Variants in CPED1 observed in about 807,000 individuals in gnomAD.
The protein encoded by CPED1 is cadherin-like and PC-esterase domain-containing protein 1.
A neutral mutation model predicts 128.2 loss-of-function variants in CPED1; 114 were observed. That is an observed-to-expected ratio of 0.89 (90% CI 0.76 to 1.04). The LOEUF (loss-of-function observed/expected upper bound fraction) is 1.04. Ranked by LOEUF, CPED1 falls within the 50% of genes least tolerant of loss-of-function variation. The probability of loss-of-function intolerance (pLI) is 0.00; values close to 1 mark genes in which losing one functional copy is unlikely to be tolerated. For synonymous variants in CPED1, 462 were observed against 426.7 expected (o/e 1.08, Z -1.02); for missense variants, 1,211 against 1,207.1 (o/e 1.00, Z -0.05).
At chr7:121,244,518 C>T (rs139350642) in intron 18 of CPED1, among the ~76,000 whole-genome samples, 180 bp downstream of exon 18, 5 of 152,276 alleles carry the variant, frequency 3.3e-5, no homozygotes, top group African/African-American at 4.8e-5. Flanking sequence ...GAACAATTCC[C>T]GCTCCAAATG....
chr7:121,055,303 G>A (rs929694961), intron 4 of CPED1, among the ~76,000 whole-genome samples: 5 of 151,956 alleles, frequency 3.3e-5, no homozygotes, highest in African/African-American at 4.8e-5. Flanking sequence ...TTAAGAAGCT[G>A]CCCAACGTTT....
chr7:121,263,764 T>A (rs1352186851), intron 18 of CPED1, among the ~76,000 whole-genome samples: 2 of 152,042 alleles, frequency 1.3e-5, no homozygotes, highest in African/African-American at 4.8e-5. Context: ...AATACAGATA[T>A]CTAGGGAGCT....
At chr7:121,199,026 A>T (rs1159860624) in intron 16 of CPED1, among the ~76,000 whole-genome samples, 6 of 152,174 alleles carry the variant, frequency 3.9e-5, no homozygotes, top group African/African-American at 1.4e-4. Flanking sequence ...ATAACTCTAC[A>T]GTCTATGAGT....
At chr7:121,016,924 A>G (rs1470594957) in intron 3 of CPED1, among the ~76,000 whole-genome samples, 1 of 152,222 alleles carries the variant, frequency 6.6e-6, no homozygotes, top group Non-Finnish European at 1.5e-5. Flanking sequence ...AGTAGCTTTC[A>G]GAATGATCTT....
chr7:121,085,302 C>T (rs1794394234), intron 5 of CPED1, among the ~76,000 whole-genome samples: 2 of 152,224 alleles, frequency 1.3e-5, no homozygotes, highest in African/African-American at 2.4e-5. Flanking sequence ...TGCTGGTGTA[C>T]ATCCCACTGT....
At position 121,103,537 on chromosome 7, in the gene CPED1, T is replaced by A. The variant is rs185828395; in HGVS notation, c.918+3443T>A. ...TCAGAAATACTGCTTTCTACTGGTATTTTTAGATGTGAAAAAATACACAGA... is the reference window on the plus strand; with the variant it reads ...TCAGAAATACTGCTTTCTACTGGTAATTTTAGATGTGAAAAAATACACAGA... On this transcript the variant is annotated intron_variant, in intron 7 of 22. Transcript: ENST00000310396. Among the ~76,000 whole-genome samples the A allele has an allele frequency of 3.9e-5, 6 of 152,330 alleles. No individual in the cohort carries two copies. In the East Asian group the frequency reaches 1.2e-3, roughly 29 times the overall value.
intron 16 of CPED1, among the ~76,000 whole-genome samples, chr7:121,158,022 A>G (rs1796330686): frequency 6.6e-6 from 1 of 152,186 alleles, no homozygotes. Flanking sequence ...GATGAAAGGG[A>G]TGCATTATAT....
chr7:121,203,224 A>G (rs978655503), intron 16 of CPED1, among the ~76,000 whole-genome samples: 3 of 151,998 alleles, frequency 2.0e-5, no homozygotes, highest in Non-Finnish European at 2.9e-5. Flanking sequence ...ACCTTCACAG[A>G]TCCCTTCTCT....
intron 16 of CPED1, among the ~76,000 whole-genome samples, chr7:121,180,727 A>G (rs573428710): frequency 1.3e-5 from 2 of 152,210 alleles, no homozygotes; most frequent in East Asian, 3.9e-4. Context: ...TATGACAGGA[A>G]CAGAACATGA....
At chr7:121,130,020 C>A in intron 11 of CPED1, 105 bp from the exon 12 acceptor site, 1 of 989,716 alleles carries the variant, frequency 1.0e-6, no homozygotes, top group Non-Finnish European at 1.5e-6. Flanking sequence ...GGATTTTTAA[C>A]AAATATCTGA....
At chr7:121,284,938 G>T (rs1390318734) in intron 22 of CPED1, among the ~76,000 whole-genome samples, 1 of 152,142 alleles carries the variant, frequency 6.6e-6, no homozygotes, top group African/African-American at 2.4e-5. Flanking sequence ...TGGGGTCACT[G>T]TGTGGGGGCT....
intron 2 of CPED1, among the ~76,000 whole-genome samples, chr7:121,012,374 A>G (rs1792180921): frequency 6.6e-6 from 1 of 152,226 alleles, no homozygotes; most frequent in Non-Finnish European, 1.5e-5. Context: ...CAGAATTAAC[A>G]TTATGTAACA....
chr7:121,031,510 A>T (rs1036883606), intron 3 of CPED1, among the ~76,000 whole-genome samples: 2 of 152,070 alleles, frequency 1.3e-5, no homozygotes, highest in Middle Eastern at 3.2e-3. Context: ...CTGGTCTCGA[A>T]CTCTTAAACT....
intron 16 of CPED1, among the ~76,000 whole-genome samples, chr7:121,200,656 A>T (rs1012280552): frequency 1.7e-4 from 26 of 152,114 alleles, no homozygotes; most frequent in Admixed American, 5.9e-4. Context: ...AAGTTTTTTT[A>T]AAAAAGAAAG....
intron 22 of CPED1, among the ~76,000 whole-genome samples, chr7:121,279,276 A>G (rs1422756825): frequency 6.6e-6 from 1 of 151,694 alleles, no homozygotes; most frequent in Non-Finnish European, 1.5e-5. Flanking sequence ...TATCACAACT[A>G]TTAACACCCC....
chr7:121,129,265 G>GTA (rs1396968321), intron 11 of CPED1, among the ~76,000 whole-genome samples: 6 of 132,710 alleles, frequency 4.5e-5, no homozygotes, highest in African/African-American at 8.6e-5. Context: ...CTTGTAAAAA[G>GTA]TATATGTGTG....
intron 2 of CPED1, among the ~76,000 whole-genome samples, chr7:120,990,169 A>C (rs1414461310): frequency 6.6e-6 from 1 of 152,220 alleles, no homozygotes; most frequent in African/African-American, 2.4e-5. Flanking sequence ...AAATATCAGT[A>C]TTCTAAGAGA....
intron 16 of CPED1, among the ~76,000 whole-genome samples, chr7:121,186,550 G>T (rs1363007809): frequency 6.6e-6 from 1 of 151,938 alleles, no homozygotes; most frequent in Non-Finnish European, 1.5e-5. Context: ...AACACATAGG[G>T]CACTATACAC....
chr7:121,104,352 A>G (rs1342007199), intron 7 of CPED1, among the ~76,000 whole-genome samples: 1 of 152,182 alleles, frequency 6.6e-6, no homozygotes, highest in Non-Finnish European at 1.5e-5. Flanking sequence ...CTTAAAACAC[A>G]GGTCATAAAG....
Sources: allele counts gnomAD v4.1 joint callset (sites outside exome capture counted in the v4.1 genomes callset), GRCh38; gene constraint gnomAD v4.1.1; transcripts MANE v1.5; gene names NCBI Gene and HGNC (gene_info 2026-07-23, HGNC 2026-07-21).